GRIA1: variants seen among roughly 807,000 people sequenced by gnomAD.
GRIA1 encodes the protein glutamate receptor 1.
A neutral mutation model predicts 99.2 loss-of-function variants in GRIA1; 31 were observed. That is an observed-to-expected ratio of 0.31 (90% CI 0.23 to 0.42). The LOEUF is 0.42. Among genes scored for constraint, GRIA1 ranks in the 10% least tolerant of loss-of-function variants. The pLI, the probability that GRIA1 is intolerant of heterozygous loss-of-function variation, is 1.00. For synonymous variants in GRIA1, 438 were observed against 432.4 expected (o/e 1.01, Z -0.16); for missense variants, 782 against 1,157.5 (o/e 0.68, Z 4.71).
chr5:153,612,882 C>T (rs1581329950), intron 2 of GRIA1, among the ~76,000 whole-genome samples: 1 of 151,970 alleles, frequency 6.6e-6, no homozygotes, highest in South Asian at 2.1e-4. Context: ...GTGTGTGCTT[C>T]CCCTTCATAA....
At chr5:153,608,720 C>T (rs182294212) in intron 2 of GRIA1, among the ~76,000 whole-genome samples, 5 of 152,132 alleles carry the variant, frequency 3.3e-5, no homozygotes, top group African/African-American at 9.6e-5. Context: ...TATCTTGAGC[C>T]CCTGTGGGTC....
chr5:153,578,725 G>A (rs1414984014), intron 2 of GRIA1, among the ~76,000 whole-genome samples: 1 of 152,150 alleles, frequency 6.6e-6, no homozygotes, highest in Non-Finnish European at 1.5e-5. Context: ...TGGCCAGCAT[G>A]GTGAAACCCC....
chr5:153,812,243 C>G lies in GRIA1; in HGVS notation c.*1018C>G, dbSNP rs1358437712. On this transcript the variant is annotated 3_prime_UTR_variant, in exon 16 of 16. Transcript: ENST00000285900. ...GCAGGAACCCATTGTGGAGTAGACT[C>G]TCTTCTTCTATGGAGCCTCTGACAT... The G allele has an allele frequency of 6.6e-6, 1 of 152,098 alleles. No homozygotes were observed. Among genetic ancestry groups the G allele is most frequent in the Non-Finnish European group, 1.5e-5 (1 of 68,036 alleles). The allele number at this position is 152,098 out of a possible 1,614,324, so 9.4% of individuals were successfully genotyped here.
intron 14 of GRIA1, among the ~76,000 whole-genome samples, chr5:153,800,598 C>T (rs1765946924): frequency 6.6e-6 from 1 of 152,184 alleles, no homozygotes; most frequent in South Asian, 2.1e-4. Context: ...ATTCAAGAGC[C>T]ATCTGCTTTA....
At chr5:153,491,508 C>T (rs1561580408) in intron 1 of GRIA1, among the ~76,000 whole-genome samples, 1 of 151,974 alleles carries the variant, frequency 6.6e-6, no homozygotes, top group Non-Finnish European at 1.5e-5. Flanking sequence ...GCCAGAAGGC[C>T]CCCACTCCAA....
At chr5:153,614,045 G>C (rs116026552) in intron 2 of GRIA1, among the ~76,000 whole-genome samples, 3 of 152,060 alleles carry the variant, frequency 2.0e-5, no homozygotes, top group African/African-American at 7.2e-5. Flanking sequence ...CTCGCTGCTC[G>C]GACAGTTTTT....
At chr5:153,679,760 C>A (rs191840779) in intron 7 of GRIA1, among the ~76,000 whole-genome samples, 1 of 152,204 alleles carries the variant, frequency 6.6e-6, no homozygotes, top group African/African-American at 2.4e-5. Context: ...TCACCTCTGG[C>A]CTTCAGGTCA....
intron 2 of GRIA1, among the ~76,000 whole-genome samples, chr5:153,540,590 C>T (rs377529411): frequency 3.3e-5 from 5 of 152,182 alleles, no homozygotes; most frequent in African/African-American, 1.2e-4. Context: ...GACAACCACT[C>T]TGGGCCAGAC....
chr5:153,540,192 C>A (rs1285772779), intron 2 of GRIA1, among the ~76,000 whole-genome samples: 1 of 152,200 alleles, frequency 6.6e-6, no homozygotes, highest in Non-Finnish European at 1.5e-5. Flanking sequence ...TATCCTCCAG[C>A]AGGGCCAGCC....
chr5:153,770,550 C>T, intron 13 of GRIA1, 135 bp downstream of exon 13: 9 of 823,726 alleles, frequency 1.1e-5, no homozygotes, highest in Non-Finnish European at 1.7e-5. Flanking sequence ...CACCTATGGG[C>T]CTGAAAGATT....
chr5:153,713,331 C>G (rs548246168), intron 11 of GRIA1, among the ~76,000 whole-genome samples: 1 of 152,336 alleles, frequency 6.6e-6, no homozygotes, highest in East Asian at 1.9e-4. Flanking sequence ...GCAAGCAACA[C>G]CAACACAAAG....
chr5:153,798,534 C>T (rs1438538558), intron 14 of GRIA1, among the ~76,000 whole-genome samples: 1 of 152,082 alleles, frequency 6.6e-6, no homozygotes, highest in Non-Finnish European at 1.5e-5. Context: ...TTGCTTTGTA[C>T]GAGTTTATAC....
chr5:153,558,140 A>G (rs1283017539), intron 2 of GRIA1: 1 of 152,158 alleles, frequency 6.6e-6, no homozygotes, highest in East Asian at 1.9e-4. Flanking sequence ...ATATCACTAA[A>G]CAATAGGAAT....
intron 5 of GRIA1, among the ~76,000 whole-genome samples, chr5:153,657,286 A>G (rs1173997735): frequency 1.3e-5 from 2 of 152,224 alleles, no homozygotes; most frequent in African/African-American, 4.8e-5. Context: ...TGGCTGCATC[A>G]CCCATCAAAT....
chr5:153,707,331 G>C (rs1445818226), intron 11 of GRIA1, among the ~76,000 whole-genome samples: 4 of 152,162 alleles, frequency 2.6e-5, no homozygotes, highest in African/African-American at 9.7e-5. Flanking sequence ...GGGTGGACAG[G>C]AGATGGGGGT....
At chr5:153,644,600 C>T (rs1754003647) in intron 2 of GRIA1, among the ~76,000 whole-genome samples, 1 of 152,052 alleles carries the variant, frequency 6.6e-6, no homozygotes, top group Non-Finnish European at 1.5e-5. Flanking sequence ...CTAAAACAGC[C>T]ACACATATAT....
At chr5:153,765,097 G>T (rs1357692496) in intron 12 of GRIA1, among the ~76,000 whole-genome samples, 1 of 152,090 alleles carries the variant, frequency 6.6e-6, no homozygotes, top group East Asian at 1.9e-4. Context: ...AACTGGAAAA[G>T]GTGATCTATT....
intron 2 of GRIA1, among the ~76,000 whole-genome samples, chr5:153,571,411 T>C (rs887481661): frequency 8.5e-5 from 13 of 152,230 alleles, no homozygotes; most frequent in African/African-American, 2.9e-4. Flanking sequence ...AACTCTGCCA[T>C]GTAGCTTGAA....
At chr5:153,792,276 C>T (rs779245215) in intron 13 of GRIA1, among the ~76,000 whole-genome samples, 22 of 152,134 alleles carry the variant, frequency 1.4e-4, no homozygotes, top group African/African-American at 4.1e-4. Flanking sequence ...CTGTGAGGAC[C>T]GTCTACTTTC....
Sources: allele counts gnomAD v4.1 joint callset (sites outside exome capture counted in the v4.1 genomes callset), GRCh38; gene constraint gnomAD v4.1.1; transcripts MANE v1.5; gene names NCBI Gene and HGNC (gene_info 2026-07-23, HGNC 2026-07-21).